Variants in SLC6A19 observed in about 807,000 individuals in gnomAD.
SLC6A19 encodes sodium-dependent neutral amino acid transporter B(0)AT1.
SLC6A19 carries 67 observed loss-of-function variants against 68.3 expected under a neutral mutation model. The observed-to-expected ratio is 0.98, with a 90% CI of 0.81 to 1.20. The LOEUF (loss-of-function observed/expected upper bound fraction) is 1.20, where lower values mean the gene tolerates loss of function less well. Among genes scored for constraint, SLC6A19 ranks in the 50% most tolerant of loss-of-function variants. The pLI, the probability that SLC6A19 is intolerant of heterozygous loss-of-function variation, is 0.00. For synonymous variants in SLC6A19, 392 were observed against 374.9 expected, an observed-to-expected ratio of 1.05 and a Z score of -0.53; for missense variants, 813 against 851.6, an observed-to-expected ratio of 0.95 and a Z score of 0.56.
rs935561426 is a variant in SLC6A19, at chr5:1,209,947, G to C, written c.344-497G>C. ...AACATTCCCCTCTGCAGTTTCTGTT[G>C]TCTCCCCTCTCATGAGTCCTCCACA... On this transcript the variant is annotated intron_variant, in intron 2 of 11. Transcript: ENST00000304460. This position sits in a 1 kb window ranked among gnomAD's most constrained non-coding sequence, Gnocchi z 5.5. Among the ~76,000 whole-genome samples, 17 of 152,186 alleles carry C rather than the reference G, an allele frequency of 1.1e-4. No homozygotes were observed. The highest frequency in any genetic ancestry group is 3.9e-4 in the African/African-American group (16 of 41,446).
intron 1 of SLC6A19, among the ~76,000 whole-genome samples, chr5:1,207,431 G>A (rs1335543237): frequency 6.6e-6 from 1 of 152,250 alleles, no homozygotes; most frequent in Non-Finnish European, 1.5e-5. Context: ...CCCCTTCTCT[G>A]GGTGCTGGCT....
chr5:1,221,620 C>G, intron 11 of SLC6A19, 81 bp from the exon 12 acceptor site: 1 of 1,551,214 alleles, frequency 6.4e-7, no homozygotes, highest in South Asian at 1.1e-5. Context: ...AGGTGAGAGT[C>G]ATGGGGTGAG....
chr5:1,215,278 C>G lies in SLC6A19; in HGVS notation c.887+1213C>G, dbSNP rs370395081. The stretch of plus-strand genomic sequence containing the variant: ...AGATCATTTGAATACCACACAACTC[C>G]CCCATTTGGAATGCCCAGTTCAATG... On this transcript the variant is annotated intron_variant, in intron 6 of 11. Transcript: ENST00000304460. The surrounding 1 kb of genome is among the most constrained non-coding windows in gnomAD (Gnocchi z 5.1). Among the ~76,000 whole-genome samples the G allele has an allele frequency of 6.6e-6, 1 of 152,242 alleles. No individual in the cohort carries two copies. The highest frequency in any genetic ancestry group is 1.9e-4 in the East Asian group (1 of 5,180).
chr5:1,214,363 C>G lies in SLC6A19; in HGVS notation c.887+298C>G, dbSNP rs1199239860. On this transcript the variant is annotated intron_variant, in intron 6 of 11. Coordinates refer to ENST00000304460, the MANE Select transcript of SLC6A19 (RefSeq NM_001003841.3). This position sits in a 1 kb window ranked among gnomAD's most constrained non-coding sequence, Gnocchi z 7.4. ...CCTGTGCTCTCCCCAGTTCCCTGCT[C>G]CACACCCACATCGCTCCCAGCCCAC... is the stretch of plus-strand genomic sequence containing the variant. 6.6e-6 allele frequency among the ~76,000 whole-genome samples: 1 copy of G among 152,152 alleles called. No individual in the cohort carries two copies. The highest frequency in any genetic ancestry group is 1.9e-4 in the East Asian group (1 of 5,178).
chr5:1,220,902 C>T (rs1417522396), intron 10 of SLC6A19, among the ~76,000 whole-genome samples: 1 of 152,160 alleles, frequency 6.6e-6, no homozygotes, highest in Admixed American at 6.5e-5. Context: ...GGGCGGGGCA[C>T]CTCTGACCAT....
chr5:1,202,454 C>A (rs1401378717), intron 1 of SLC6A19, among the ~76,000 whole-genome samples: 1 of 152,196 alleles, frequency 6.6e-6, no homozygotes, highest in African/African-American at 2.4e-5. Context: ...GTAGGCATGG[C>A]CGCTGCTGGC....
At chr5:1,203,430 C>T (rs1437501161) in intron 1 of SLC6A19, among the ~76,000 whole-genome samples, 1 of 152,126 alleles carries the variant, frequency 6.6e-6, no homozygotes, top group Non-Finnish European at 1.5e-5. Context: ...CAGCGGGCAG[C>T]GGGTTCCGGG....
At chr5:1,211,453 A>G (rs1746026527) in intron 3 of SLC6A19, among the ~76,000 whole-genome samples, 1 of 152,232 alleles carries the variant, frequency 6.6e-6, no homozygotes, top group Non-Finnish European at 1.5e-5. Context: ...CCAGACTTGC[A>G]CAGGGAAGAG....
At chr5:1,202,374 C>T (rs1745732232) in intron 1 of SLC6A19, among the ~76,000 whole-genome samples, 1 of 152,140 alleles carries the variant, frequency 6.6e-6, no homozygotes, top group African/African-American at 2.4e-5. Flanking sequence ...GGCCTGGAGG[C>T]CGGGAGCCGC....
In SLC6A19 at chr5:1,214,183, C is replaced by T. The variant is rs867841843; in HGVS notation, c.887+118C>T. The T allele has an allele frequency of 6.5e-5, 100 of 1,536,378 alleles. No individual in the cohort carries two copies. Among genetic ancestry groups the T allele is most frequent in the African/African-American group, 3.1e-4 (23 of 73,128 alleles). Reference sequence around the variant, plus strand: ...CTGTGTGGCCGGGGCCTTGCTGCCCCGATGGGCCCGTTCCCTCCTGCTCGG... The same window carrying T: ...CTGTGTGGCCGGGGCCTTGCTGCCCTGATGGGCCCGTTCCCTCCTGCTCGG... On this transcript the variant is annotated intron_variant, in intron 6 of 11. Coordinates refer to ENST00000304460, the MANE Select transcript of SLC6A19 (RefSeq NM_001003841.3). This position sits in a 1 kb window ranked among gnomAD's most constrained non-coding sequence, Gnocchi z 7.4.
intron 1 of SLC6A19, among the ~76,000 whole-genome samples, chr5:1,204,666 G>T (rs1745802922): frequency 7.8e-6 from 1 of 127,958 alleles, no homozygotes; most frequent in Admixed American, 7.2e-5. Flanking sequence ...TGGCCCCTCA[G>T]GGGCTGCCCC....
chr5:1,206,663 G>A (rs1745862448), intron 1 of SLC6A19, among the ~76,000 whole-genome samples: 2 of 152,066 alleles, frequency 1.3e-5, no homozygotes, highest in African/African-American at 4.8e-5. Flanking sequence ...AGGATGATGG[G>A]GGCTTGGCTC....
intron 8 of SLC6A19, among the ~76,000 whole-genome samples, chr5:1,218,388 G>C (rs1164902904): frequency 6.6e-6 from 1 of 152,232 alleles, no homozygotes; most frequent in Non-Finnish European, 1.5e-5. Context: ...GGACCGTGAT[G>C]GGCCGGGGCC....
chr5:1,206,764 C>A (rs1169586199), intron 1 of SLC6A19, among the ~76,000 whole-genome samples: 5 of 152,098 alleles, frequency 3.3e-5, no homozygotes, highest in South Asian at 2.1e-4. Flanking sequence ...GTCGCTGGGA[C>A]CCCAGTGTCA....
chr5:1,222,113 G>A lies in SLC6A19; in HGVS notation c.*209G>A, dbSNP rs767070520. 6.4e-6 allele frequency: 4 copies of A among 621,890 alleles called. No homozygotes were observed. Among genetic ancestry groups the A allele is most frequent in the Middle Eastern group, 4.4e-4 (1 of 2,296 alleles). 38.5% of individuals were successfully genotyped at this position (621,890 alleles called of 1,614,324 possible). ...GCATGGGCACTGTGTGAGTGTGCACGTGTATGCACACATATACATGTGTGT... is the reference window on the plus strand; with the variant it reads ...GCATGGGCACTGTGTGAGTGTGCACATGTATGCACACATATACATGTGTGT... On this transcript the variant is annotated 3_prime_UTR_variant, in exon 12 of 12. Transcript: ENST00000304460.
At chr5:1,217,117 C>A (rs773172435) in intron 8 of SLC6A19, among the ~76,000 whole-genome samples, 172 bp downstream of exon 8, 5 of 152,224 alleles carry the variant, frequency 3.3e-5, no homozygotes, top group Non-Finnish European at 5.9e-5. Context: ...CGGTCTGGGG[C>A]GCTGGTGTCT....
At position 1,201,906 on chromosome 5, in the gene SLC6A19, A is replaced by G. The variant is rs1745716189; in HGVS notation, c.202+54A>G. On this transcript the variant is annotated intron_variant, in intron 1 of 11. Coordinates refer to ENST00000304460, the MANE Select transcript of SLC6A19 (RefSeq NM_001003841.3). Reference sequence around the variant, plus strand: ...AGGCCGTGGCCAGGGAAGCACAGACACACGCAGAGGCCCTGGGCAGACATC... The same window carrying G: ...AGGCCGTGGCCAGGGAAGCACAGACGCACGCAGAGGCCCTGGGCAGACATC... The G allele has an allele frequency of 2.7e-5, 42 of 1,570,828 alleles. No individual in the cohort carries two copies. The South Asian group carries it at 4.4e-4, about 17-fold the overall frequency.
intron 1 of SLC6A19, 59 bp downstream of exon 1, chr5:1,201,911 C>A: frequency 6.4e-7 from 1 of 1,559,562 alleles, no homozygotes; most frequent in African/African-American, 1.3e-5. Context: ...CAGACACACG[C>A]AGAGGCCCTG....
At chr5:1,217,059 G>A (rs952744770) in intron 8 of SLC6A19, 114 bp downstream of exon 8, 33 of 1,523,436 alleles carry the variant, frequency 2.2e-5, no homozygotes, top group East Asian at 6.9e-5. Flanking sequence ...AGCTTCAGCC[G>A]GGAGGCCCAG....
Sources: allele counts gnomAD v4.1 joint callset (sites outside exome capture counted in the v4.1 genomes callset), GRCh38; gene constraint gnomAD v4.1.1; non-coding constraint Gnocchi (gnomAD v3.1); transcripts MANE v1.5; gene names NCBI Gene and HGNC (gene_info 2026-07-23, HGNC 2026-07-21).